CDHR3: variants seen among roughly 807,000 people sequenced by gnomAD.
The protein encoded by CDHR3 is cadherin related family member 3.
A neutral mutation model predicts 86.6 loss-of-function variants in CDHR3; 79 were observed. The observed-to-expected ratio is 0.91, with a 90% CI of 0.76 to 1.10. CDHR3 has a LOEUF of 1.10. Ranked by LOEUF, CDHR3 falls within the 50% of genes least tolerant of loss-of-function variation. The probability of loss-of-function intolerance (pLI) is 0.00; values close to 1 mark genes in which losing one functional copy is unlikely to be tolerated. For synonymous variants in CDHR3, 421 were observed against 402.4 expected, an observed-to-expected ratio of 1.05 and a Z score of -0.55; for missense variants, 1,081 against 1,077.6, an observed-to-expected ratio of 1.00 and a Z score of -0.04.
intron 1 of CDHR3, among the ~76,000 whole-genome samples, chr7:105,966,426 C>A (rs1203093672): frequency 1.9e-4 from 29 of 152,338 alleles, no homozygotes; most frequent in East Asian, 1.9e-4. Context: ...CAGCTTTCTT[C>A]AGCCCATCAT....
At chr7:105,994,995 C>T (rs1431364268) in intron 5 of CDHR3, 150 bp downstream of exon 5, 1 of 644,178 alleles carries the variant, frequency 1.6e-6, no homozygotes, top group Non-Finnish European at 2.7e-6. Context: ...GTAGTGAACC[C>T]CAGAGAGGGA....
chr7:106,028,480 T>C (rs1410259458), intron 16 of CDHR3, 71 bp from the exon 17 acceptor site: 6 of 1,534,296 alleles, frequency 3.9e-6, no homozygotes, highest in Middle Eastern at 1.7e-4. Context: ...GAAATACCGT[T>C]GTGGAGGTGG....
At chr7:105,995,876 G>T (rs1026352987) in intron 5 of CDHR3, among the ~76,000 whole-genome samples, 3 of 152,124 alleles carry the variant, frequency 2.0e-5, no homozygotes, top group Admixed American at 6.5e-5. Flanking sequence ...CTGGCTCTGC[G>T]TCGGGTGTGG....
chr7:106,020,776 T>C (rs1406004365), intron 13 of CDHR3, among the ~76,000 whole-genome samples: 3 of 152,086 alleles, frequency 2.0e-5, no homozygotes, highest in African/African-American at 7.2e-5. Flanking sequence ...GCATGCCTCA[T>C]TGCACCCAGC....
At chr7:105,988,542 C>G (rs1372135637) in intron 4 of CDHR3, among the ~76,000 whole-genome samples, 1 of 152,144 alleles carries the variant, frequency 6.6e-6, no homozygotes. Flanking sequence ...AAACCTCAAC[C>G]CCTTTAAAAT....
rs372495063 is a variant in CDHR3, at chr7:106,010,304, TC to T, written c.1053-2555del. ...CTTGAAAATGCTCGGAACCACTCTTTCTTCCCCTGTGCAGTGGGGACAAGAA... is the reference window on the plus strand; with the variant it reads ...CTTGAAAATGCTCGGAACCACTCTTTTTCCCCTGTGCAGTGGGGACAAGAA... On this transcript the variant is annotated intron_variant, in intron 8 of 18. Transcript: ENST00000317716. Among the ~76,000 whole-genome samples the T allele has an allele frequency of 2.9e-3, 437 of 152,300 alleles. 3 individuals are homozygous for T. Among genetic ancestry groups the T allele is most frequent in the African/African-American group, 0.01 (423 of 41,570 alleles).
chr7:105,980,887 G>A, intron 2 of CDHR3, 81 bp from the exon 3 acceptor site: 1 of 1,305,462 alleles, frequency 7.7e-7, no homozygotes. Context: ...TTCCTTCCTA[G>A]GAATATCCCT....
At position 106,012,865 on chromosome 7, in the gene CDHR3, T is replaced by G. The variant is rs761083760; in HGVS notation, c.1058T>G (p.Met353Arg). The change falls in exon 9 of 19, where the codon ATG (methionine) becomes AGG (arginine). Residue 353 changes from methionine to arginine, a missense_variant. Met to Arg is a moderately conservative substitution (Grantham distance 91). Transcript: ENST00000317716. ...ATCQKFTFSI[M>R]VPERTAKGTL... is the part of the protein sequence containing the mutation. ...GGATTGTGTCTTTTCACCAGCATTA[T>G]GGTGCCGGAAAGAACAGCCAAGGGG... 2 of 1,601,594 alleles carry G rather than the reference T, an allele frequency of 1.2e-6. No homozygotes were observed. Among genetic ancestry groups the G allele is most frequent in the South Asian group, 2.3e-5 (2 of 88,508 alleles).
rs1296890229 is a variant in CDHR3 at position 106,020,534 on chromosome 7, C to A, written c.1815C>A (p.Ser605=). Residue 605 remains serine (S), a synonymous_variant, in exon 13 of 19, where the codon TCC becomes TCA. Transcript: ENST00000317716. ...CCAGCCCCAGATCTTTCCGTTATTC[C>A]ATTGGCCCAGGTATAGTACTTGGTG... ...LDSSPRSFRY[S]IGPGNVNNHF... 6.2e-7 allele frequency: 1 copy of A among 1,613,406 alleles called. No homozygotes were observed.
At chr7:106,025,580 G>A (rs1837230286) in intron 15 of CDHR3, among the ~76,000 whole-genome samples, 1 of 152,150 alleles carries the variant, frequency 6.6e-6, no homozygotes, top group South Asian at 2.1e-4. Flanking sequence ...TTGAGGTGTT[G>A]GAACCTCTGA....
At position 106,022,397 on chromosome 7, in the gene CDHR3, G is replaced by A; in HGVS notation, c.2025G>A (p.Leu675=). ...EALVETGTVT[L]SIKVIPHPTT... ...TTGTTGAGACAGGAACAGTGACACT[G>A]AGTATTAAAGTCATTCCCCACCCAA... is the stretch of plus-strand genomic sequence containing the variant. The change falls in exon 14 of 19, where the codon CTG becomes CTA. Residue 675 remains leucine (L), a synonymous_variant. Coordinates refer to ENST00000317716, the MANE Select transcript of CDHR3 (RefSeq NM_152750.5). 6.2e-7 allele frequency: 1 copy of A among 1,614,002 alleles called. No homozygotes were observed. Among genetic ancestry groups the A allele is most frequent in the South Asian group, 1.1e-5 (1 of 91,088 alleles).
chr7:105,980,611 T>TA (rs60363903), intron 2 of CDHR3, among the ~76,000 whole-genome samples: 30,201 of 96,126 alleles, frequency 0.31, 4,938 homozygotes, highest in Non-Finnish European at 0.41. Context: ...TTTTTAATTT[T>TA]TTTTTTTTTT....
Position 106,034,855 on chromosome 7 carries a change from A to T in CDHR3, c.*2158A>T, listed in dbSNP as rs955321825. 5.9e-5 allele frequency among the ~76,000 whole-genome samples: 9 copies of T among 152,210 alleles called. No individual in the cohort carries two copies. Among genetic ancestry groups the T allele is most frequent in the Non-Finnish European group, 1.3e-4 (9 of 68,040 alleles). ...CACTCTGGGAGGCTGAGGCAGGTGG[A>T]TCACCTGAGGTCAGGAGTTTGAGAC... On this transcript the variant is annotated 3_prime_UTR_variant, in exon 19 of 19. Transcript: ENST00000317716.
At chr7:105,967,575 C>T (rs62482821) in intron 1 of CDHR3, among the ~76,000 whole-genome samples, 39,428 of 152,006 alleles carry the variant, frequency 0.26, 5,765 homozygotes, top group East Asian at 0.68. Context: ...CCACCAACAG[C>T]GTAAAAGCGT....
intron 7 of CDHR3, among the ~76,000 whole-genome samples, chr7:106,002,574 G>A (rs1278358707): frequency 1.3e-5 from 2 of 152,110 alleles, no homozygotes; most frequent in African/African-American, 2.4e-5. Flanking sequence ...ATATTTTGGG[G>A]TAATATGTCC....
At position 106,035,493 on chromosome 7, in the gene CDHR3, C is replaced by T. The variant is rs186346103; in HGVS notation, c.*2796C>T. ...TTTGAACAAAGAATGGAACAAAATG[C>T]CCAGCAAAGCAGAGAAAGAATGAGG... is the stretch of plus-strand genomic sequence containing the variant. On this transcript the variant is annotated 3_prime_UTR_variant, in exon 19 of 19. Transcript: ENST00000317716. Among the ~76,000 whole-genome samples, 292 of 152,188 alleles carry T rather than the reference C, an allele frequency of 1.9e-3. 1 individual carries two copies. Among genetic ancestry groups the T allele is most frequent in the African/African-American group, 6.8e-3 (282 of 41,524 alleles).
intron 11 of CDHR3, among the ~76,000 whole-genome samples, chr7:106,017,309 C>A (rs1835781322): frequency 6.6e-6 from 1 of 152,070 alleles, no homozygotes. Flanking sequence ...ATAATCCTAG[C>A]ACTTTGGGAG....
At position 105,966,052 on chromosome 7, in the gene CDHR3, C is replaced by A. The variant is rs184824426; in HGVS notation, c.46+2688C>A. On this transcript the variant is annotated intron_variant, in intron 1 of 18. Coordinates refer to ENST00000317716, the MANE Select transcript of CDHR3 (RefSeq NM_152750.5). ...GCTATAGTGCCTATTCCACCAACAG[C>A]TTACAAAGGGAGGCTCTACAAGAAT... is the stretch of plus-strand genomic sequence containing the variant. 1.6e-3 allele frequency among the ~76,000 whole-genome samples: 237 copies of A among 152,256 alleles called. 3 individuals are homozygous for A. The highest frequency in any genetic ancestry group is 3.4e-3 in the Middle Eastern group (1 of 294).
intron 4 of CDHR3, among the ~76,000 whole-genome samples, chr7:105,989,154 A>G (rs575119073): frequency 6.6e-6 from 1 of 152,264 alleles, no homozygotes; most frequent in East Asian, 1.9e-4. Context: ...GGCTCAGAAC[A>G]TAGAGAAGGA....
Sources: allele counts gnomAD v4.1 joint callset (sites outside exome capture counted in the v4.1 genomes callset), GRCh38; gene constraint gnomAD v4.1.1; transcripts MANE v1.5; gene names NCBI Gene and HGNC (gene_info 2026-07-23, HGNC 2026-07-21).